VPS13A: variants seen among roughly 807,000 people sequenced by gnomAD.
The protein encoded by VPS13A is vacuolar protein sorting 13 homolog A.
Under a neutral mutation model 390.9 loss-of-function variants are expected in VPS13A, and 264 were observed. The observed-to-expected ratio is 0.68, with a 90% CI of 0.61 to 0.75. The LOEUF (loss-of-function observed/expected upper bound fraction) is 0.75. VPS13A is among the 30% of genes least tolerant of loss of function. The pLI is 0.00. For missense variants in VPS13A, 3,409 were observed against 3,733.9 expected (o/e 0.91, Z 2.27); for synonymous variants, 1,231 against 1,227.1 (o/e 1.00, Z -0.07).
Position 77,318,518 on chromosome 9 carries a change from C to T in VPS13A, c.5240C>T (p.Ala1747Val), listed in dbSNP as rs1012142921. 7 of 1,613,908 alleles carry T rather than the reference C, an allele frequency of 4.3e-6. No homozygotes were observed. Among genetic ancestry groups the T allele is most frequent in the Non-Finnish European group, 5.9e-6 (7 of 1,179,896 alleles). Reference protein sequence around the residue: ...IGHRTVPMLLAKSRFSGEGKN... With the variant: ...IGHRTVPMLLVKSRFSGEGKN... ...CATAGAACAGTACCTATGCTTCTGG[C>T]AAAGTCACGTTTTTCAGGGGAAGGC... The change falls in exon 41 of 72, where the codon GCA (alanine) becomes GTA (valine). Residue 1747 changes from alanine to valine, a missense_variant. By Grantham distance (64) the Ala-to-Val change is moderately conservative. Around this residue, in one of 5 missense-constraint regions of VPS13A, gnomAD observed 2,717 missense variants for 2,917.4 expected, o/e 0.93. Coordinates refer to ENST00000360280, the MANE Select transcript of VPS13A (RefSeq NM_033305.3).
At chr9:77,255,004 C>G (rs1226358630) in intron 22 of VPS13A, among the ~76,000 whole-genome samples, 1 of 152,014 alleles carries the variant, frequency 6.6e-6, no homozygotes, top group Non-Finnish European at 1.5e-5. Flanking sequence ...CCTAATTGGT[C>G]TGTCTAGAAT....
intron 33 of VPS13A, among the ~76,000 whole-genome samples, chr9:77,301,308 G>A (rs1587528832): frequency 1.3e-5 from 2 of 151,970 alleles, no homozygotes; most frequent in African/African-American, 2.4e-5. Flanking sequence ...TTCTGATATG[G>A]CTATTAAAAT....
chr9:77,205,087 A>G (rs1054752213), intron 3 of VPS13A, among the ~76,000 whole-genome samples: 5 of 152,202 alleles, frequency 3.3e-5, no homozygotes, highest in Non-Finnish European at 7.3e-5. Flanking sequence ...TTCGAATATA[A>G]TCTAGGTTTT....
chr9:77,255,229 GTGCTTTGAGATGATCATGTGATCA>G (rs1174719967), intron 22 of VPS13A, among the ~76,000 whole-genome samples: 5 of 151,990 alleles, frequency 3.3e-5, no homozygotes, highest in Non-Finnish European at 5.9e-5. Context: ...AATCCTTTCT[GTGCTTTGAGATGATCATGTGATCA>G]TGTAAAAAAT....
intron 67 of VPS13A, among the ~76,000 whole-genome samples, chr9:77,376,172 C>T (rs1429351871): frequency 2.0e-5 from 3 of 152,170 alleles, no homozygotes; most frequent in Non-Finnish European, 2.9e-5. Flanking sequence ...CAAGAATGTG[C>T]TTGGCCTATT....
chr9:77,191,439 G>A (rs1343352781), intron 1 of VPS13A, among the ~76,000 whole-genome samples: 1 of 151,758 alleles, frequency 6.6e-6, no homozygotes. Flanking sequence ...GGGACTGCAG[G>A]TGTGCACTCC....
intron 3 of VPS13A, among the ~76,000 whole-genome samples, chr9:77,204,345 AC>A (rs770527078): frequency 6.5e-4 from 99 of 152,196 alleles, no homozygotes; most frequent in Non-Finnish European, 1.2e-3. Flanking sequence ...AGTATAAGAA[AC>A]CCCATACATA....
At chr9:77,241,990 G>C (rs958729767) in intron 19 of VPS13A, among the ~76,000 whole-genome samples, 1 of 152,098 alleles carries the variant, frequency 6.6e-6, no homozygotes, top group Admixed American at 6.6e-5. Context: ...GAGAACTCTT[G>C]CAAGACTCTC....
At position 77,177,692 on chromosome 9, in the gene VPS13A, A is replaced by G. The variant is rs1823717394; in HGVS notation, c.-13A>G. On this transcript the variant is annotated 5_prime_UTR_variant, in exon 1 of 72. Transcript: ENST00000360280. ...GCACGGGCCGGCTGCCGTGCCCACC[A>G]CGGCTGAGGAACATGGTTTTCGAGT... The G allele has an allele frequency of 1.2e-6, 2 of 1,612,172 alleles. No individual in the cohort carries two copies. Among genetic ancestry groups the G allele is most frequent in the East Asian group, 2.2e-5 (1 of 44,790 alleles).
chr9:77,259,212 A>G (rs1024652537), intron 22 of VPS13A, among the ~76,000 whole-genome samples: 6 of 152,170 alleles, frequency 3.9e-5, no homozygotes, highest in African/African-American at 1.2e-4. Flanking sequence ...GTTGAAGGCA[A>G]ATAAAAGGAT....
At chr9:77,206,234 G>T (rs1825631897) in intron 5 of VPS13A, among the ~76,000 whole-genome samples, 155 bp downstream of exon 5, 2 of 151,412 alleles carry the variant, frequency 1.3e-5, no homozygotes, top group South Asian at 4.2e-4. Context: ...TGGTTTGTAT[G>T]CTTTGTTATG....
At chr9:77,360,036 T>C (rs1832054621) in intron 58 of VPS13A, among the ~76,000 whole-genome samples, 3 of 152,188 alleles carry the variant, frequency 2.0e-5, no homozygotes, top group African/African-American at 7.2e-5. Context: ...AACATCTATG[T>C]AATAATCTCC....
intron 3 of VPS13A, among the ~76,000 whole-genome samples, chr9:77,204,726 A>T (rs562690940): frequency 2.0e-5 from 3 of 152,174 alleles, no homozygotes; most frequent in South Asian, 4.2e-4. Context: ...TCCTGGGCTC[A>T]AGATCCTCCC....
chr9:77,225,823 TTA>T, intron 13 of VPS13A, 101 bp from the exon 14 acceptor site: 1 of 862,036 alleles, frequency 1.2e-6, no homozygotes, highest in Non-Finnish European at 1.9e-6. Flanking sequence ...TTGCTTCCTA[TTA>T]TATCTTTTCT....
intron 17 of VPS13A, 64 bp downstream of exon 17, chr9:77,228,328 G>A: frequency 6.9e-7 from 1 of 1,445,014 alleles, no homozygotes; most frequent in African/African-American, 1.4e-5. Flanking sequence ...TTAGACATTA[G>A]GTCACAATCT....
chr9:77,221,808 C>T (rs892849998), intron 13 of VPS13A, among the ~76,000 whole-genome samples: 2 of 152,018 alleles, frequency 1.3e-5, no homozygotes, highest in Non-Finnish European at 1.5e-5. Context: ...TAAATGCTAC[C>T]TGCCTTTATC....
intron 34 of VPS13A, among the ~76,000 whole-genome samples, chr9:77,303,860 T>C (rs1587535628): frequency 6.6e-6 from 1 of 152,194 alleles, no homozygotes; most frequent in South Asian, 2.1e-4. Context: ...GTTTTTCTCC[T>C]ATCTCAGAAT....
intron 33 of VPS13A, among the ~76,000 whole-genome samples, chr9:77,301,974 C>A (rs1039051020): frequency 6.7e-6 from 1 of 148,634 alleles, no homozygotes; most frequent in African/African-American, 2.5e-5. Flanking sequence ...TTTTTTTTCC[C>A]GAGACAGTGT....
chr9:77,250,531 T>C (rs561043595), intron 21 of VPS13A, among the ~76,000 whole-genome samples: 2 of 152,276 alleles, frequency 1.3e-5, no homozygotes, highest in African/African-American at 4.8e-5. Context: ...CAGTCCCTCA[T>C]AATAAATATC....
Sources: allele counts gnomAD v4.1 joint callset (sites outside exome capture counted in the v4.1 genomes callset), GRCh38; gene constraint gnomAD v4.1.1; regional missense constraint gnomAD v4.1.1; transcripts MANE v1.5; gene names NCBI Gene and HGNC (gene_info 2026-07-23, HGNC 2026-07-21).